Variants in NADSYN1 observed in about 807,000 individuals in gnomAD.
NADSYN1 encodes the protein glutamine-dependent NAD(+) synthetase.
Under a neutral mutation model 99.3 loss-of-function variants are expected in NADSYN1, and 80 were observed. That is an observed-to-expected ratio of 0.81 (90% CI 0.67 to 0.97). NADSYN1 has a LOEUF of 0.97. Among genes scored for constraint, NADSYN1 ranks in the 50% least tolerant of loss-of-function variants. The probability of loss-of-function intolerance (pLI) is 0.00; values close to 1 mark genes in which losing one functional copy is unlikely to be tolerated. For synonymous variants in NADSYN1, 385 were observed against 372.1 expected (o/e 1.03, Z -0.40); for missense variants, 859 against 948.5 (o/e 0.91, Z 1.24).
chr11:71,461,826 C>T (rs1949552814), intron 3 of NADSYN1, among the ~76,000 whole-genome samples: 2 of 152,186 alleles, frequency 1.3e-5, no homozygotes, highest in Non-Finnish European at 2.9e-5. Context: ...CATAAGAACT[C>T]CGCCCCCACC....
intron 9 of NADSYN1, 179 bp downstream of exon 9, chr11:71,474,705 GC>G (rs34354702): frequency 2.9e-6 from 2 of 684,882 alleles, no homozygotes; most frequent in Non-Finnish European, 2.4e-6. Flanking sequence ...CTGTGGAGAA[GC>G]CCCCGGGGGT....
chr11:71,469,205 C>T (rs1460728863), intron 5 of NADSYN1, among the ~76,000 whole-genome samples: 1 of 152,120 alleles, frequency 6.6e-6, no homozygotes, highest in Non-Finnish European at 1.5e-5. Flanking sequence ...TGCCTGTAAT[C>T]CCAGCACTTT....
intron 3 of NADSYN1, among the ~76,000 whole-genome samples, chr11:71,461,464 T>A (rs745322749): frequency 1.6e-4 from 24 of 152,332 alleles, no homozygotes; most frequent in Non-Finnish European, 2.9e-4. Flanking sequence ...AGTCTCACTC[T>A]GTCGCACAGG....
chr11:71,488,277 TTGTAGGAAACGTCCGCC>T (rs1425512855), intron 16 of NADSYN1, among the ~76,000 whole-genome samples: 1 of 151,856 alleles, frequency 6.6e-6, no homozygotes, highest in Admixed American at 6.6e-5. Flanking sequence ...AACATGTGTA[TTGTAGGAAACGTCCGCC>T]GAGAGAGCTC....
intron 12 of NADSYN1, 37 bp downstream of exon 12, chr11:71,481,441 G>A: frequency 6.3e-7 from 1 of 1,596,764 alleles, no homozygotes; most frequent in South Asian, 1.1e-5. Flanking sequence ...CACTTTGCTT[G>A]TTCTGCTGGT....
At chr11:71,473,913 G>A (rs1003431279) in intron 8 of NADSYN1, among the ~76,000 whole-genome samples, 3 of 152,220 alleles carry the variant, frequency 2.0e-5, no homozygotes, top group African/African-American at 7.2e-5. Flanking sequence ...CACCCTCTCT[G>A]CCATGACCAG....
At chr11:71,464,682 A>T (rs929907657) in intron 5 of NADSYN1, among the ~76,000 whole-genome samples, 3 of 152,052 alleles carry the variant, frequency 2.0e-5, no homozygotes, top group Non-Finnish European at 2.9e-5. Flanking sequence ...CCTGGCTAAC[A>T]CGGTGAAACC....
rs757604703 is a variant in NADSYN1, at chr11:71,480,759, G to T, written c.878G>T (p.Ser293Ile). Reference protein sequence around the residue: ...AEISSRNLAASRASPYPRVKV... With the variant: ...AEISSRNLAAIRASPYPRVKV... The stretch of plus-strand genomic sequence containing the variant: ...GTCTTGAATCTCCATTGCCAGGCCA[G>T]CAGGGCGAGCCCCTACCCCAGAGTG... The change falls in exon 11 of 21, where the codon AGC becomes ATC. Residue 293 changes from serine (S) to isoleucine (I), a missense_variant. Transcript: ENST00000319023. The T allele has an allele frequency of 1.2e-6, 2 of 1,614,112 alleles. No individual in the cohort carries two copies. The highest frequency in any genetic ancestry group is 2.2e-5 in the South Asian group (2 of 91,082).
intron 14 of NADSYN1, among the ~76,000 whole-genome samples, chr11:71,483,294 T>G (rs1301820864): frequency 6.6e-6 from 1 of 152,134 alleles, no homozygotes; most frequent in Admixed American, 6.5e-5. Flanking sequence ...GAGCCAGATT[T>G]CAGGGAAGCT....
rs747157216 is a variant in NADSYN1, at chr11:71,497,552, C to T, written c.1834C>T (p.Pro612Ser). The T allele has an allele frequency of 1.1e-5, 18 of 1,614,002 alleles. No individual in the cohort carries two copies. In the East Asian group the frequency reaches 1.6e-4, roughly 14 times the overall value. Residue 612 changes from proline (P) to serine (S), a missense_variant, in exon 19 of 21, where the codon CCC (proline) becomes TCC (serine). Physicochemically the swap from Pro to Ser is moderately conservative, Grantham distance 74. Transcript: ENST00000319023. ...GKLRKVAKMG[P>S]YSMFCKLLGM... ...ACTCAGGAAGGTGGCCAAGATGGGG[C>T]CCTACAGCATGTTCTGCAAACTCCT...
chr11:71,476,231 C>T (rs558519105), intron 9 of NADSYN1: 1 of 395,760 alleles, frequency 2.5e-6, no homozygotes, highest in Non-Finnish European at 5.1e-6. Flanking sequence ...GACCCGACGG[C>T]CTTCCACTCT....
In NADSYN1 at chr11:71,474,337, G is replaced by C. The variant is rs1456366871; in HGVS notation, c.667-58G>C. 1.9e-6 allele frequency: 3 copies of C among 1,607,950 alleles called. No homozygotes were observed. In the South Asian group the frequency reaches 3.3e-5, roughly 18 times the overall value. Reference sequence around the variant, plus strand: ...CGGAGGTTCCTGTACTTGGGCAGGTGGCAGGTGAGGGTGGTGGACACAGCT... The same window carrying C: ...CGGAGGTTCCTGTACTTGGGCAGGTCGCAGGTGAGGGTGGTGGACACAGCT... On this transcript the variant is annotated intron_variant, in intron 8 of 20. Transcript: ENST00000319023.
intron 3 of NADSYN1, chr11:71,459,783 G>T: frequency 6.6e-6 from 1 of 152,528 alleles, no homozygotes. Context: ...TGACATTTGT[G>T]GACTGGGGCC....
chr11:71,477,024 C>T, intron 9 of NADSYN1: 1 of 1,068,494 alleles, frequency 9.4e-7, no homozygotes, highest in Non-Finnish European at 1.1e-6. Flanking sequence ...CACTGCCCTC[C>T]ACCAGGTCCT....
intron 16 of NADSYN1, among the ~76,000 whole-genome samples, chr11:71,487,038 C>T (rs1339806887): frequency 1.3e-5 from 2 of 152,144 alleles, no homozygotes; most frequent in Non-Finnish European, 1.5e-5. Flanking sequence ...CATCTCCTGA[C>T]CTCGTGATCC....
At chr11:71,482,473 A>T (rs544239594) in intron 13 of NADSYN1, among the ~76,000 whole-genome samples, 6 of 150,646 alleles carry the variant, frequency 4.0e-5, no homozygotes, top group Non-Finnish European at 8.9e-5. Context: ...CCGTACGGGC[A>T]CCTGAGGGCT....
Position 71,484,385 on chromosome 11 carries a change from A to T in NADSYN1, c.1393A>T (p.Ser465Cys), listed in dbSNP as rs1448904029. 2.5e-6 allele frequency: 4 copies of T among 1,614,094 alleles called. No homozygotes were observed. The highest frequency in any genetic ancestry group is 3.4e-6 in the Non-Finnish European group (4 of 1,180,038). Residue 465 changes from serine (S) to cysteine (C), a missense_variant, in exon 15 of 21, where the codon AGC becomes TGC. By Grantham distance (112) the Ser-to-Cys change is moderately radical. Transcript: ENST00000319023. ...CATCTTCAGCCTGGTGACGGGGAAG[A>T]GCCCTCTGTTTGCAGCTCATGGAGG... is the stretch of plus-strand genomic sequence containing the variant. ...MGIFSLVTGKSPLFAAHGGSS... is the reference protein window; with the variant it reads ...MGIFSLVTGKCPLFAAHGGSS...
At chr11:71,488,745 C>T (rs1246978732) in intron 16 of NADSYN1, among the ~76,000 whole-genome samples, 8 of 152,156 alleles carry the variant, frequency 5.3e-5, no homozygotes. Context: ...ACCTCCTGGG[C>T]TCAAACAATC....
In NADSYN1 at chr11:71,453,303, C is replaced by A. The variant is rs756459302; in HGVS notation, c.7C>A (p.Arg3=). 1.2e-6 allele frequency: 2 copies of A among 1,613,482 alleles called. No individual in the cohort carries two copies. The highest frequency in any genetic ancestry group is 3.3e-5 in the Admixed American group (2 of 59,996). MG[R]KVTVATCALN... is the part of the protein sequence containing the mutation. ...CCAAGCGACTGCGGCCAGGATGGGC[C>A]GGAAGGTGACCGTGGCCACCTGCGC... Residue 3 remains arginine, a synonymous_variant, in exon 1 of 21, where the codon CGG becomes AGG. Transcript: ENST00000319023.
Sources: allele counts gnomAD v4.1 joint callset (sites outside exome capture counted in the v4.1 genomes callset), GRCh38; gene constraint gnomAD v4.1.1; transcripts MANE v1.5; gene names NCBI Gene and HGNC (gene_info 2026-07-23, HGNC 2026-07-21).